Variants in FAM107B observed in about 807,000 individuals in gnomAD.
FAM107B encodes protein FAM107B.
Under a neutral mutation model 31.5 loss-of-function variants are expected in FAM107B, and 21 were observed. The ratio of observed to expected loss-of-function variants is 0.67; its 90% CI spans 0.47 to 0.96. The LOEUF is 0.96. FAM107B is among the 40% of genes least tolerant of loss of function. The probability of loss-of-function intolerance (pLI) is 0.00; values close to 1 mark genes in which losing one functional copy is unlikely to be tolerated. For synonymous variants in FAM107B, 157 were observed against 141.5 expected, an observed-to-expected ratio of 1.11 and a Z score of -0.78; for missense variants, 452 against 377.1, an observed-to-expected ratio of 1.20 and a Z score of -1.64.
At chr10:14,692,027 C>G (rs986324329) in intron 1 of FAM107B, among the ~76,000 whole-genome samples, 2 of 152,120 alleles carry the variant, frequency 1.3e-5, no homozygotes, top group Non-Finnish European at 1.5e-5. Context: ...TTGACCATGA[C>G]CAAACGGTGT....
chr10:14,611,967 ATGTG>A (rs1852738367), intron 2 of FAM107B, among the ~76,000 whole-genome samples: 1 of 152,066 alleles, frequency 6.6e-6, no homozygotes, highest in African/African-American at 2.4e-5. Flanking sequence ...GTATATGTGT[ATGTG>A]TGTGTATGTA....
intron 2 of FAM107B, among the ~76,000 whole-genome samples, chr10:14,643,488 C>T (rs553017108): frequency 1.3e-5 from 2 of 151,486 alleles, no homozygotes; most frequent in South Asian, 4.2e-4. Context: ...CGGTTCACTG[C>T]AGTCTCCACC....
chr10:14,548,695 AAC>A, intron 2 of FAM107B: 1 of 977,992 alleles, frequency 1.0e-6, no homozygotes, highest in Non-Finnish European at 1.2e-6. Context: ...CATTGGCCAG[AAC>A]AGTGTCACAT....
intron 2 of FAM107B, among the ~76,000 whole-genome samples, chr10:14,541,496 C>A (rs1459613213): frequency 6.6e-6 from 1 of 152,228 alleles, no homozygotes; most frequent in Non-Finnish European, 1.5e-5. Flanking sequence ...CCCTCCTCCC[C>A]AGCCAGTAAA....
intron 2 of FAM107B, among the ~76,000 whole-genome samples, chr10:14,583,557 T>G (rs1234383187): frequency 6.6e-6 from 1 of 152,064 alleles, no homozygotes; most frequent in African/African-American, 2.4e-5. Context: ...GGCTCTCCAT[T>G]TTTAATTTTT....
chr10:14,593,330 T>C (rs1050200803), intron 2 of FAM107B, among the ~76,000 whole-genome samples: 1 of 152,150 alleles, frequency 6.6e-6, no homozygotes, highest in African/African-American at 2.4e-5. Flanking sequence ...TTTAGGAAGA[T>C]GTGACACCAG....
intron 2 of FAM107B, among the ~76,000 whole-genome samples, chr10:14,533,008 G>T (rs1434456353): frequency 6.6e-6 from 1 of 152,204 alleles, no homozygotes; most frequent in Non-Finnish European, 1.5e-5. Context: ...CTGCAGGGGA[G>T]GGAGGGATGG....
At chr10:14,693,089 C>A (rs1379541180) in intron 1 of FAM107B, among the ~76,000 whole-genome samples, 1 of 152,188 alleles carries the variant, frequency 6.6e-6, no homozygotes, top group African/African-American at 2.4e-5. Flanking sequence ...GAGCTGATGA[C>A]TTGGTGACTT....
intron 2 of FAM107B, among the ~76,000 whole-genome samples, chr10:14,570,233 G>GTGT (rs1851083422): frequency 7.1e-5 from 10 of 140,338 alleles, no homozygotes; most frequent in African/African-American, 2.1e-4. Flanking sequence ...AAATGTGGTG[G>GTGT]GTGTGTGTGT....
chr10:14,640,335 G>T (rs1171203764), intron 2 of FAM107B, among the ~76,000 whole-genome samples: 2 of 152,130 alleles, frequency 1.3e-5, no homozygotes, highest in East Asian at 3.9e-4. Context: ...GAAATGAATG[G>T]GTGCACAAAT....
chr10:14,573,889 T>C (rs951411254), intron 2 of FAM107B, among the ~76,000 whole-genome samples: 7 of 151,880 alleles, frequency 4.6e-5, no homozygotes, highest in Admixed American at 2.0e-4. Flanking sequence ...ATGATCATTG[T>C]GGATACATGA....
chr10:14,718,930 G>A (rs1207905592), intron 1 of FAM107B, among the ~76,000 whole-genome samples: 1 of 152,154 alleles, frequency 6.6e-6, no homozygotes, highest in Non-Finnish European at 1.5e-5. Flanking sequence ...GGTGGGAAGA[G>A]TAAATTTTTA....
At chr10:14,606,453 C>T (rs118013806) in intron 2 of FAM107B, among the ~76,000 whole-genome samples, 5 of 152,140 alleles carry the variant, frequency 3.3e-5, no homozygotes, top group Non-Finnish European at 7.4e-5. Context: ...TATCTTTATA[C>T]CCTCTTGCCT....
chr10:14,607,396 A>G (rs1787422633), intron 2 of FAM107B, among the ~76,000 whole-genome samples: 1 of 152,272 alleles, frequency 6.6e-6, no homozygotes, highest in Admixed American at 6.5e-5. Flanking sequence ...CAAGTATCCA[A>G]TTTGGTTTGG....
At chr10:14,768,652 A>T (rs1280336838) in intron 1 of FAM107B, among the ~76,000 whole-genome samples, 1 of 152,222 alleles carries the variant, frequency 6.6e-6, no homozygotes, top group Non-Finnish European at 1.5e-5. Flanking sequence ...ATATACTTTA[A>T]AACAGTTACA....
At chr10:14,555,417 T>C (rs1849608566) in intron 2 of FAM107B, among the ~76,000 whole-genome samples, 1 of 152,232 alleles carries the variant, frequency 6.6e-6, no homozygotes, top group East Asian at 1.9e-4. Context: ...GTGATGACAT[T>C]ATGAACTTGG....
rs1364609837 is a variant in FAM107B at position 14,523,896 on chromosome 10, T to A, written c.654-1877A>T. 2.7e-5 allele frequency among the ~76,000 whole-genome samples: 4 copies of A among 150,038 alleles called. No homozygotes were observed. In the South Asian group the frequency reaches 6.4e-4, roughly 24 times the overall value. ...TTTTTTTTTTTTTTCTGAGACAGGC[T>A]CTCTCTGTTGCCCGGGCTGGAGTGC... On this transcript the variant is annotated intron_variant, in intron 3 of 4. Transcript: ENST00000181796.
chr10:14,692,388 G>A (rs1237452796), intron 1 of FAM107B, among the ~76,000 whole-genome samples: 1 of 152,198 alleles, frequency 6.6e-6, no homozygotes, highest in African/African-American at 2.4e-5. Context: ...TTCTACTTGT[G>A]AGTGGGGCTG....
intron 1 of FAM107B, among the ~76,000 whole-genome samples, chr10:14,763,356 A>G (rs1394857728): frequency 6.6e-6 from 1 of 152,242 alleles, no homozygotes; most frequent in Non-Finnish European, 1.5e-5. Flanking sequence ...GCTTGCCAGC[A>G]GATGTTTGTA....
Sources: allele counts gnomAD v4.1 joint callset (sites outside exome capture counted in the v4.1 genomes callset), GRCh38; gene constraint gnomAD v4.1.1; transcripts MANE v1.5; gene names NCBI Gene and HGNC (gene_info 2026-07-23, HGNC 2026-07-21).